MEGF11: variants seen among roughly 807,000 people sequenced by gnomAD.
MEGF11 encodes multiple epidermal growth factor-like domains protein 11.
In MEGF11, 126 loss-of-function variants were observed where a neutral mutation model predicts 146.6. That is an observed-to-expected ratio of 0.86 (90% CI 0.74 to 1.00). The LOEUF is 1.00. MEGF11 is among the 50% of genes least tolerant of loss of function. The pLI, the probability that MEGF11 is intolerant of heterozygous loss-of-function variation, is 0.00. For missense variants in MEGF11, 1,509 were observed against 1,521.2 expected (o/e 0.99, Z 0.13); for synonymous variants, 532 against 583.4 (o/e 0.91, Z 1.27).
At chr15:66,238,234 G>A (rs528141626) in intron 1 of MEGF11, among the ~76,000 whole-genome samples, 2 of 152,020 alleles carry the variant, frequency 1.3e-5, no homozygotes, top group East Asian at 3.9e-4. Flanking sequence ...CCCACCCTGA[G>A]CTGATCTAGG....
chr15:65,992,122 T>C (rs1364829787), intron 5 of MEGF11, among the ~76,000 whole-genome samples: 1 of 152,180 alleles, frequency 6.6e-6, no homozygotes, highest in African/African-American at 2.4e-5. Flanking sequence ...ATGGGTACAT[T>C]CAATGCCCTG....
chr15:66,215,904 G>A (rs1214083256), intron 1 of MEGF11, among the ~76,000 whole-genome samples: 1 of 152,106 alleles, frequency 6.6e-6, no homozygotes, highest in Non-Finnish European at 1.5e-5. Context: ...ATGCATCTTT[G>A]AACTTCAGTG....
In MEGF11 at chr15:65,990,418, G is replaced by A. The variant is rs530914529; in HGVS notation, c.395-7930C>T. Among the ~76,000 whole-genome samples the A allele has an allele frequency of 2.6e-5, 4 of 151,866 alleles. No homozygotes were observed. In the South Asian group the frequency reaches 8.3e-4, roughly 32 times the overall value. On this transcript the variant is annotated intron_variant, in intron 5 of 25. Coordinates refer to ENST00000395614, the MANE Select transcript of MEGF11 (RefSeq NM_001385028.1). The stretch of plus-strand genomic sequence containing the variant: ...TTATAAAAATTAGCTTGGTGTGGCG[G>A]CATGTGCCTGTAGTCCCAACTACTC...
rs576230990 is a variant in MEGF11, at chr15:66,039,585, T to G, written c.394+54817A>C. 1.2e-4 allele frequency among the ~76,000 whole-genome samples: 19 copies of G among 152,338 alleles called. No individual in the cohort carries two copies. In the East Asian group the frequency reaches 3.7e-3, roughly 29 times the overall value. ...GTAGACTGCCCAACGTAACTCAGGT[T>G]ACGTTAAGTGGCTGCACCAGGGTTT... is the stretch of plus-strand genomic sequence containing the variant. On this transcript the variant is annotated intron_variant, in intron 5 of 25. Transcript: ENST00000395614.
At chr15:65,969,254 G>A (rs1567181983) in intron 8 of MEGF11, among the ~76,000 whole-genome samples, 1 of 152,214 alleles carries the variant, frequency 6.6e-6, no homozygotes, top group Non-Finnish European at 1.5e-5. Flanking sequence ...ACAAGCGGGC[G>A]GTTTGCACTC....
At chr15:66,209,571 T>C (rs577718217) in intron 1 of MEGF11, among the ~76,000 whole-genome samples, 1 of 152,252 alleles carries the variant, frequency 6.6e-6, no homozygotes, top group Admixed American at 6.5e-5. Flanking sequence ...CATAAAATAC[T>C]ATTCAACAAT....
intron 10 of MEGF11, among the ~76,000 whole-genome samples, chr15:65,938,510 G>A (rs2079866523): frequency 6.6e-6 from 1 of 152,212 alleles, no homozygotes; most frequent in Non-Finnish European, 1.5e-5. Flanking sequence ...GCACCTGGAA[G>A]TTGATGCTTG....
chr15:66,136,271 G>A (rs1363838283), intron 1 of MEGF11, among the ~76,000 whole-genome samples: 1 of 152,180 alleles, frequency 6.6e-6, no homozygotes, highest in Admixed American at 6.5e-5. Flanking sequence ...GTCGTGGTCG[G>A]GATCCTTAGT....
intron 4 of MEGF11, among the ~76,000 whole-genome samples, chr15:66,107,147 T>C (rs1016787793): frequency 1.3e-5 from 2 of 152,096 alleles, no homozygotes; most frequent in Non-Finnish European, 2.9e-5. Context: ...GCTTGGCCAC[T>C]GTCAGGTCAG....
chr15:65,967,159 T>C lies in MEGF11; in HGVS notation c.900-2039A>G, dbSNP rs1429900232. 2.0e-5 allele frequency: 3 copies of C among 152,198 alleles called. No homozygotes were observed. The East Asian group carries it at 5.8e-4, about 29-fold the overall frequency. 9.4% of individuals were successfully genotyped at this position (152,198 alleles called of 1,614,324 possible). ...GTTCTGTAAGAATTAAATGGGATAA[T>C]GCGTGTAAACATTTAGAAAGGCGCC... On this transcript the variant is annotated intron_variant, in intron 8 of 25. Coordinates refer to ENST00000395614, the MANE Select transcript of MEGF11 (RefSeq NM_001385028.1).
chr15:66,093,895 A>G (rs2086424665), intron 5 of MEGF11, among the ~76,000 whole-genome samples: 1 of 152,112 alleles, frequency 6.6e-6, no homozygotes, highest in Admixed American at 6.5e-5. Context: ...AAAATGTAGG[A>G]ACACAAGGAC....
intron 4 of MEGF11, among the ~76,000 whole-genome samples, chr15:66,096,348 C>T (rs1353728280): frequency 1.3e-5 from 2 of 152,242 alleles, no homozygotes; most frequent in Non-Finnish European, 2.9e-5. Context: ...CTCGAAGAGA[C>T]TTAAGAGAAA....
chr15:66,218,473 A>C (rs2091642731), intron 1 of MEGF11, among the ~76,000 whole-genome samples: 1 of 151,734 alleles, frequency 6.6e-6, no homozygotes, highest in African/African-American at 2.4e-5. Flanking sequence ...TTTAGGACCC[A>C]CTCCTCGGAT....
At chr15:66,071,757 G>A (rs556702025) in intron 5 of MEGF11, among the ~76,000 whole-genome samples, 201 of 152,326 alleles carry the variant, frequency 1.3e-3, no homozygotes, top group African/African-American at 4.6e-3. Context: ...CCACTCATCT[G>A]CTGCCAATTA....
At chr15:66,147,229 C>T (rs774637447) in intron 1 of MEGF11, among the ~76,000 whole-genome samples, 13 of 152,142 alleles carry the variant, frequency 8.5e-5, no homozygotes, top group Non-Finnish European at 1.9e-4. Flanking sequence ...CCTAGTCCCT[C>T]CTCCTAAATT....
At chr15:65,908,150 C>T (rs142546584) in intron 23 of MEGF11, among the ~76,000 whole-genome samples, 282 of 152,302 alleles carry the variant, frequency 1.9e-3, no homozygotes, top group African/African-American at 6.4e-3. Context: ...AGGGTCCATG[C>T]AGCCCATGCC....
chr15:66,205,029 G>C (rs372446712), intron 1 of MEGF11, among the ~76,000 whole-genome samples: 6 of 141,302 alleles, frequency 4.2e-5, no homozygotes, highest in African/African-American at 1.6e-4. Flanking sequence ...TGGAGCTAAA[G>C]ACACTAGGAA....
At position 66,033,863 on chromosome 15, in the gene MEGF11, C is replaced by T. The variant is rs139327848; in HGVS notation, c.395-51375G>A. ...CTAGAGTGCAGCGCCATGATCTTGGCTTACTGCAACTTCTGCCTCCTGGGT... is the reference window on the plus strand; with the variant it reads ...CTAGAGTGCAGCGCCATGATCTTGGTTTACTGCAACTTCTGCCTCCTGGGT... On this transcript the variant is annotated intron_variant, in intron 5 of 25. Transcript: ENST00000395614. Among the ~76,000 whole-genome samples the T allele has an allele frequency of 4.4e-3, 677 of 152,334 alleles. 7 individuals are homozygous for T. Among genetic ancestry groups the T allele is most frequent in the African/African-American group, 0.016 (648 of 41,558 alleles).
chr15:66,043,715 CACATGGG>C (rs2084084170), intron 5 of MEGF11, among the ~76,000 whole-genome samples: 1 of 152,216 alleles, frequency 6.6e-6, no homozygotes, highest in Non-Finnish European at 1.5e-5. Flanking sequence ...CTCATGTCCC[CACATGGG>C]ACTCTGTCAT....
Sources: allele counts gnomAD v4.1 joint callset (sites outside exome capture counted in the v4.1 genomes callset), GRCh38; gene constraint gnomAD v4.1.1; transcripts MANE v1.5; gene names NCBI Gene and HGNC (gene_info 2026-07-23, HGNC 2026-07-21).